Variants in ADRA1A observed in about 807,000 individuals in gnomAD.
The protein encoded by ADRA1A is alpha-1A adrenergic receptor.
ADRA1A carries 31 observed loss-of-function variants against 29.6 expected under a neutral mutation model. The observed-to-expected ratio is 1.05, with a 90% confidence interval of 0.79 to 1.41. The LOEUF is 1.41. Ranked by LOEUF, ADRA1A falls within the 40% of genes most tolerant of loss-of-function variation. ADRA1A has a pLI of 0.00. For missense variants in ADRA1A, 619 were observed against 601.1 expected (o/e 1.03, Z -0.31); for synonymous variants, 311 against 254.3 (o/e 1.22, Z -2.12).
rs545669147 is a variant in ADRA1A, at chr8:26,838,972, T to A, written c.883+25115A>T. On this transcript the variant is annotated intron_variant, in intron 2 of 2. Transcript: ENST00000380573. ...CTAGCTCTATCCTGGACAAGTCAGA[T>A]ATTAAACCCAGTATAATGAAAACCA... Among the ~76,000 whole-genome samples the A allele has an allele frequency of 2.3e-4, 35 of 152,342 alleles. 1 individual carries two copies. The South Asian group carries it at 7.0e-3, about 31-fold the overall frequency.
At chr8:26,773,503 C>T (rs904249375) in intron 2 of ADRA1A, among the ~76,000 whole-genome samples, 3 of 152,124 alleles carry the variant, frequency 2.0e-5, no homozygotes, top group Non-Finnish European at 4.4e-5. Context: ...TGCTTAATGA[C>T]TACAAGAATG....
intron 2 of ADRA1A, among the ~76,000 whole-genome samples, chr8:26,804,378 G>A (rs980127946): frequency 1.3e-5 from 2 of 152,224 alleles, no homozygotes; most frequent in Admixed American, 6.5e-5. Context: ...TCATCGATAT[G>A]TGAAAGTATA....
chr8:26,850,045 C>CAAAAAAA (rs780926887), intron 2 of ADRA1A, among the ~76,000 whole-genome samples: 2 of 123,376 alleles, frequency 1.6e-5, no homozygotes, highest in Non-Finnish European at 3.6e-5. Context: ...AAACAAAAAA[C>CAAAAAAA]AAAAAAAAAA....
At chr8:26,835,170 C>G (rs989905484) in intron 2 of ADRA1A, among the ~76,000 whole-genome samples, 2 of 152,166 alleles carry the variant, frequency 1.3e-5, no homozygotes, top group African/African-American at 2.4e-5. Flanking sequence ...TAACTCATCA[C>G]AAGGGAACTG....
At chr8:26,824,566 T>A (rs1026187122) in intron 2 of ADRA1A, among the ~76,000 whole-genome samples, 3 of 152,176 alleles carry the variant, frequency 2.0e-5, no homozygotes, top group Non-Finnish European at 4.4e-5. Flanking sequence ...CAGATATTCC[T>A]GTTCAATCGA....
At position 26,864,672 on chromosome 8, in the gene ADRA1A, T is replaced by G; in HGVS notation, c.298A>C (p.Asn100His). The change falls in exon 2 of 3, where the codon AAC (asparagine) becomes CAC (histidine). Residue 100 changes from asparagine (N) to histidine (H), a missense_variant. Physicochemically the swap from Asn to His is moderately conservative, Grantham distance 68. Transcript: ENST00000380573. This position sits in a 1 kb window ranked among gnomAD's most constrained non-coding sequence, Gnocchi z 8.1. ...AGCACATCCACTGCCGCCCAGATGT[T>G]GCAGAAGACCCTGCCGAAGGCCCAG... ...GYWAFGRVFC[N>H]IWAAVDVLCC... The G allele has an allele frequency of 1.2e-6, 2 of 1,614,166 alleles. No individual in the cohort carries two copies. The highest frequency in any genetic ancestry group is 1.7e-6 in the Non-Finnish European group (2 of 1,180,040).
chr8:26,801,075 C>T (rs1292350587), intron 2 of ADRA1A, among the ~76,000 whole-genome samples: 1 of 152,118 alleles, frequency 6.6e-6, no homozygotes, highest in African/African-American at 2.4e-5. Context: ...TAAAATTCAA[C>T]ATCGCTTCAT....
intron 2 of ADRA1A, among the ~76,000 whole-genome samples, chr8:26,757,859 G>GCACGCACATA (rs140381456): frequency 6.6e-6 from 1 of 151,294 alleles, no homozygotes; most frequent in East Asian, 2.0e-4. Flanking sequence ...ATAAGCACAC[G>GCACGCACATA]CACACACACA....
At chr8:26,761,197 G>A (rs935484806), downstream of ADRA1A, among the ~76,000 whole-genome samples, 14 of 152,172 alleles carry the variant, frequency 9.2e-5, no homozygotes, top group African/African-American at 3.4e-4. Context: ...TTACAACAGA[G>A]TACAGAATTA....
intron 2 of ADRA1A, among the ~76,000 whole-genome samples, chr8:26,822,593 A>C (rs1206640888): frequency 6.6e-6 from 1 of 152,252 alleles, no homozygotes; most frequent in Non-Finnish European, 1.5e-5. Context: ...AACTGCATGA[A>C]AGACATTGTA....
intron 2 of ADRA1A, among the ~76,000 whole-genome samples, chr8:26,834,591 G>A (rs1297775951): frequency 6.6e-6 from 1 of 152,162 alleles, no homozygotes; most frequent in East Asian, 1.9e-4. Flanking sequence ...TCTCATGAGT[G>A]TTATTTAGCC....
At chr8:26,761,291 T>C (rs997288882), downstream of ADRA1A, among the ~76,000 whole-genome samples, 5 of 152,216 alleles carry the variant, frequency 3.3e-5, 1 homozygote, top group Admixed American at 2.6e-4. Flanking sequence ...TTTAAACTTC[T>C]AATCTGGGAA....
intron 2 of ADRA1A, among the ~76,000 whole-genome samples, chr8:26,828,396 C>G (rs1480276566): frequency 6.6e-6 from 1 of 152,130 alleles, no homozygotes; most frequent in Admixed American, 6.5e-5. Context: ...GTGTTAGGCT[C>G]AAGAATGCTA....
chr8:26,771,287 T>C (rs1806123519), intron 2 of ADRA1A, among the ~76,000 whole-genome samples: 1 of 152,246 alleles, frequency 6.6e-6, no homozygotes, highest in Non-Finnish European at 1.5e-5. Flanking sequence ...CCTCGATGTC[T>C]CCCAAATGTG....
downstream of ADRA1A, among the ~76,000 whole-genome samples, chr8:26,755,190 C>T (rs1805100083): frequency 6.9e-6 from 1 of 144,302 alleles, no homozygotes; most frequent in African/African-American, 2.6e-5. Flanking sequence ...AAGAAATAGA[C>T]CTCCTTTTTT....
At chr8:26,867,370 C>T (rs1813971677), upstream of ADRA1A, 1 of 984,946 alleles carries the variant, frequency 1.0e-6, no homozygotes, top group Non-Finnish European at 1.2e-6. Flanking sequence ...GTAATGTTTT[C>T]CTCTGGCCTA....
chr8:26,816,582 G>T (rs1412935977), intron 2 of ADRA1A, among the ~76,000 whole-genome samples: 3 of 150,370 alleles, frequency 2.0e-5, no homozygotes, highest in Non-Finnish European at 4.4e-5. Flanking sequence ...TCCACATTGT[G>T]TGCACACGCT....
Position 26,865,166 on chromosome 8 carries a change from A to G in ADRA1A, c.-197T>C. ...GCCCTGGGAACCCTCAGAAGGCCAC[A>G]TGAAGGGGCAGGGCATTAAAGACAT... On this transcript the variant is annotated 5_prime_UTR_variant, in exon 2 of 3. An upstream start codon of the reference 5' UTR is lost. Transcript: ENST00000380573. This position sits in a 1 kb window ranked among gnomAD's most constrained non-coding sequence, Gnocchi z 7.6. 1 of 1,417,622 alleles carries G rather than the reference A, an allele frequency of 7.1e-7. No individual in the cohort carries two copies. The highest frequency in any genetic ancestry group is 9.2e-7 in the Non-Finnish European group (1 of 1,089,078). The allele number at this position is 1,417,622 out of a possible 1,614,324, so 87.8% of individuals were successfully genotyped here. A position where few individuals can be genotyped will look rare whatever the true frequency, so the allele number is the denominator to read the frequency against.
chr8:26,851,705 T>G (rs561771724), intron 2 of ADRA1A, among the ~76,000 whole-genome samples: 2 of 152,326 alleles, frequency 1.3e-5, no homozygotes, highest in Non-Finnish European at 2.9e-5. Context: ...TAAATGAAGA[T>G]ATTATTGATT....
Sources: gnomAD v4.1 joint callset for allele counts (sites outside exome capture counted in the v4.1 genomes callset) on GRCh38, gnomAD v4.1.1 for gene constraint, Gnocchi (gnomAD v3.1) non-coding constraint, MANE v1.5 for transcripts, NCBI Gene and HGNC (gene_info 2026-07-23, HGNC 2026-07-21) for gene names.